RRM1: variants seen among roughly 807,000 people sequenced by gnomAD.
RRM1 encodes the protein ribonucleoside-diphosphate reductase large subunit.
RRM1 carries 19 observed loss-of-function variants against 101.5 expected under a neutral mutation model. That is an observed-to-expected ratio of 0.19 (90% confidence interval 0.13 to 0.27). The LOEUF is 0.27. RRM1 is among the 10% of genes least tolerant of loss of function. The probability of loss-of-function intolerance (pLI) is 1.00; values close to 1 mark genes in which losing one functional copy is unlikely to be tolerated. For missense variants in RRM1, 500 were observed against 962.9 expected (o/e 0.52, Z 6.36); for synonymous variants, 298 against 323.4 (o/e 0.92, Z 0.84).
At chr11:4,120,094 A>C (rs72555782) in intron 9 of RRM1, 166 bp downstream of exon 9, 5 of 524,060 alleles carry the variant, frequency 9.5e-6, no homozygotes, top group Non-Finnish European at 1.7e-5. Flanking sequence ...TTAAATGTAC[A>C]GTTTGATGGG....
chr11:4,132,138 T>A lies in RRM1; in HGVS notation c.1770-148T>A, dbSNP rs2094601564. On this transcript the variant is annotated intron_variant, in intron 15 of 18. Transcript: ENST00000300738. The surrounding 1 kb of genome is among the most constrained non-coding windows in gnomAD (Gnocchi z 4.1). ...ATTGCCTCCCTGTAGGAGTTTAATT[T>A]GAAAGTCAACGTGTGAGTTCAATGC... 1 of 779,722 alleles carries A rather than the reference T, an allele frequency of 1.3e-6. No homozygotes were observed. The highest frequency in any genetic ancestry group is 2.4e-5 in the Admixed American group (1 of 41,090). The allele number at this position is 779,722 out of a possible 1,614,324, so 48.3% of individuals were successfully genotyped here. A position where few individuals can be genotyped will look rare whatever the true frequency, so the allele number is the denominator to read the frequency against.
chr11:4,102,124 G>A, intron 2 of RRM1, 43 bp downstream of exon 2: 1 of 989,576 alleles, frequency 1.0e-6, no homozygotes, highest in Non-Finnish European at 1.6e-6. Context: ...TCTTTCATGT[G>A]TTTCTTTCCA....
At chr11:4,125,242 G>T (rs994812077) in intron 12 of RRM1, among the ~76,000 whole-genome samples, 9 of 151,976 alleles carry the variant, frequency 5.9e-5, no homozygotes, top group Non-Finnish European at 1.3e-4. Flanking sequence ...TGTAGATAAT[G>T]AAACCCTTTA....
At chr11:4,118,236 C>G in intron 7 of RRM1, 84 bp from the exon 8 acceptor site, 27 of 1,079,096 alleles carry the variant, frequency 2.5e-5, no homozygotes, top group South Asian at 1.0e-4. Context: ...TTTTTTTTTG[C>G]CTTAGTGTCT....
intron 16 of RRM1, among the ~76,000 whole-genome samples, chr11:4,133,203 G>A (rs1200989443): frequency 1.3e-5 from 2 of 152,122 alleles, no homozygotes; most frequent in Non-Finnish European, 2.9e-5. Flanking sequence ...TTGAGAAAAT[G>A]TCTCACTTTG....
chr11:4,119,997 G>C (rs2094579212), intron 9 of RRM1, 69 bp downstream of exon 9: 2 of 901,352 alleles, frequency 2.2e-6, no homozygotes, highest in Admixed American at 4.5e-5. Flanking sequence ...CACTTAAGAT[G>C]GTTCATTTAT....
intron 12 of RRM1, among the ~76,000 whole-genome samples, chr11:4,124,556 C>T (rs1488566913): frequency 6.6e-6 from 1 of 152,188 alleles, no homozygotes; most frequent in Non-Finnish European, 1.5e-5. Context: ...AGTTGGAAGA[C>T]ATCGACATAT....
intron 2 of RRM1, among the ~76,000 whole-genome samples, chr11:4,105,313 C>T: frequency 6.6e-6 from 1 of 151,378 alleles, no homozygotes; most frequent in Middle Eastern, 3.6e-3. Flanking sequence ...TCAGTGCAGT[C>T]TTGACTTCCT....
At chr11:4,108,828 C>A (rs1026409478) in intron 4 of RRM1, among the ~76,000 whole-genome samples, 1 of 152,044 alleles carries the variant, frequency 6.6e-6, no homozygotes, top group Admixed American at 6.6e-5. Flanking sequence ...TGGGCCCATA[C>A]CTGCCTTTGG....
chr11:4,138,163 T>C, intron 18 of RRM1, 32 bp from the exon 19 acceptor site: 1 of 1,276,016 alleles, frequency 7.8e-7, no homozygotes, highest in East Asian at 2.4e-5. Context: ...TCACAGAGTT[T>C]CTCCTAATAA....
chr11:4,107,401 T>G, intron 3 of RRM1, 34 bp from the exon 4 acceptor site: 1 of 1,366,814 alleles, frequency 7.3e-7, no homozygotes, highest in South Asian at 1.2e-5. Flanking sequence ...TTAAGTGGTC[T>G]TGATATATTT....
At chr11:4,117,074 C>T (rs7940013) in intron 7 of RRM1, among the ~76,000 whole-genome samples, 56,601 of 151,818 alleles carry the variant, frequency 0.37, 10,685 homozygotes, top group African/African-American at 0.43. Context: ...GGCTAATAAA[C>T]GTCTGAGATG....
intron 7 of RRM1, chr11:4,116,390 G>C (rs564625758): frequency 5.3e-5 from 8 of 152,350 alleles, no homozygotes; most frequent in South Asian, 2.1e-4. Context: ...TCAGGAGTTC[G>C]AGACCAGCCT....
At position 4,135,127 on chromosome 11, in the gene RRM1, G is replaced by A; in HGVS notation, c.2047G>A (p.Val683Met). Reference sequence around the variant, plus strand: ...TGACCTGAAGCAACTTTATAAAACTGTGTGGGAAATCTCTCAGAAAACTGT... The same window carrying A: ...TGACCTGAAGCAACTTTATAAAACTATGTGGGAAATCTCTCAGAAAACTGT... ...PDDLKQLYKT[V>M]WEISQKTVLK... Residue 683 changes from valine (V) to methionine (M), a missense_variant, in exon 18 of 19, where the codon GTG becomes ATG. By Grantham distance (21) the Val-to-Met change is conservative. Coordinates refer to ENST00000300738, the MANE Select transcript of RRM1 (RefSeq NM_001033.5). 6.2e-7 allele frequency: 1 copy of A among 1,613,190 alleles called. No individual in the cohort carries two copies.
rs1197518784 is a variant in RRM1 at position 4,095,011 on chromosome 11, C to T, written c.-2C>T. 6.4e-7 allele frequency: 1 copy of T among 1,568,756 alleles called. No individual in the cohort carries two copies. The highest frequency in any genetic ancestry group is 1.4e-5 in the African/African-American group (1 of 73,954). On this transcript the variant is annotated 5_prime_UTR_variant, in exon 1 of 19. Transcript: ENST00000300738. ...CCTTCAGAGCCTCAGCCACTAGCTG[C>T]GATGCATGTGATCAAGCGAGGTGAG... is the stretch of plus-strand genomic sequence containing the variant.
intron 15 of RRM1, among the ~76,000 whole-genome samples, chr11:4,130,486 A>C (rs12274313): frequency 2.0e-5 from 3 of 152,052 alleles, no homozygotes; most frequent in Admixed American, 1.3e-4. Context: ...ACTTGAGGTC[A>C]GGAGTTCAAG....
At chr11:4,123,803 G>A (rs535800029) in intron 12 of RRM1, among the ~76,000 whole-genome samples, 1 of 152,214 alleles carries the variant, frequency 6.6e-6, no homozygotes, top group East Asian at 1.9e-4. Context: ...GTGAGACCCT[G>A]TCTCAAAACA....
intron 15 of RRM1, among the ~76,000 whole-genome samples, chr11:4,130,086 A>ATATATTTTTTTTTTT (rs1202870487): frequency 9.1e-5 from 9 of 99,436 alleles, no homozygotes; most frequent in African/African-American, 3.2e-4. Flanking sequence ...ATATATATAT[A>ATATATTTTTTTTTTT]TTTTTTTTTT....
At chr11:4,122,309 A>T in intron 11 of RRM1, 89 bp downstream of exon 11, 1 of 964,352 alleles carries the variant, frequency 1.0e-6, no homozygotes, top group African/African-American at 1.7e-5. Context: ...ACTTGTCAAG[A>T]ATCTTTTGAA....
Sources: allele counts gnomAD v4.1 joint callset (sites outside exome capture counted in the v4.1 genomes callset), GRCh38; gene constraint gnomAD v4.1.1; non-coding constraint Gnocchi (gnomAD v3.1); transcripts MANE v1.5; gene names NCBI Gene and HGNC (gene_info 2026-07-23, HGNC 2026-07-21).